Variants in USP49 observed in about 807,000 individuals in gnomAD.
USP49 encodes the protein ubiquitin specific peptidase 49.
Under a neutral mutation model 58.6 loss-of-function variants are expected in USP49, and 24 were observed. That is an observed-to-expected ratio of 0.41 (90% CI 0.30 to 0.58). USP49 has a LOEUF of 0.58. Ranked by LOEUF, USP49 falls within the 20% of genes least tolerant of loss-of-function variation. USP49 has a pLI of 0.30. For synonymous variants in USP49, 408 were observed against 365.1 expected (o/e 1.12, Z -1.34); for missense variants, 703 against 866.1 (o/e 0.81, Z 2.36).
chr6:41,890,489 G>T (rs1774794644), intron 2 of USP49, among the ~76,000 whole-genome samples: 1 of 152,096 alleles, frequency 6.6e-6, no homozygotes, highest in South Asian at 2.1e-4. Context: ...AAGGTGGGCA[G>T]ATTTTTTGAG....
intron 3 of USP49, among the ~76,000 whole-genome samples, chr6:41,858,293 G>T (rs1352315526): frequency 6.6e-6 from 1 of 152,050 alleles, no homozygotes; most frequent in Non-Finnish European, 1.5e-5. Flanking sequence ...ACAATAATAG[G>T]TATCTATGCT....
intron 2 of USP49, among the ~76,000 whole-genome samples, chr6:41,884,836 T>C (rs375034801): frequency 1.3e-5 from 2 of 152,204 alleles, no homozygotes; most frequent in South Asian, 2.1e-4. Context: ...ATATAATATA[T>C]ACTAAAAAAT....
intron 3 of USP49, among the ~76,000 whole-genome samples, chr6:41,830,453 A>G (rs1266155331): frequency 2.0e-5 from 3 of 152,216 alleles, no homozygotes; most frequent in East Asian, 3.8e-4. Flanking sequence ...ATATAAGTTT[A>G]TACTTTTGAA....
At chr6:41,804,244 A>C (rs907305426) in intron 4 of USP49, among the ~76,000 whole-genome samples, 1 of 152,202 alleles carries the variant, frequency 6.6e-6, no homozygotes, top group African/African-American at 2.4e-5. Flanking sequence ...TAGAGACTAT[A>C]CTAACCCCCC....
chr6:41,817,150 C>CTTTTTTTTT lies in USP49; in HGVS notation c.-28-10148_-28-10140dup, dbSNP rs34281670. On this transcript the variant is annotated intron_variant, in intron 3 of 7. Transcript: ENST00000682992. ...CCACCACGCCTGGCTCCCACGCATG[C>CTTTTTTTTT]TTTTTTTTTTTTTTTTTGAGACAGA... 5.0e-4 allele frequency among the ~76,000 whole-genome samples: 52 copies of CTTTTTTTTT among 104,338 alleles called. 6 individuals carry two copies. The highest frequency in any genetic ancestry group is 2.0e-3 in the African/African-American group (45 of 22,552). The allele number at this position is 104,338 out of a possible 152,430, so 68.4% of individuals were successfully genotyped here.
At chr6:41,863,500 G>A (rs940854658) in intron 3 of USP49, among the ~76,000 whole-genome samples, 3 of 152,078 alleles carry the variant, frequency 2.0e-5, no homozygotes, top group Admixed American at 1.3e-4. Flanking sequence ...GTATTATCAC[G>A]GGTATTAAAC....
At chr6:41,810,405 G>A (rs934680616) in intron 3 of USP49, among the ~76,000 whole-genome samples, 7 of 150,548 alleles carry the variant, frequency 4.6e-5, no homozygotes, top group African/African-American at 1.7e-4. Flanking sequence ...CAGAAGAATT[G>A]CTTGAACCTG....
intron 3 of USP49, among the ~76,000 whole-genome samples, chr6:41,829,342 T>A (rs1773595391): frequency 6.6e-6 from 1 of 152,116 alleles, no homozygotes. Context: ...AAGATGGTGT[T>A]TCGCGCTTGT....
chr6:41,855,731 C>A (rs139066423), intron 3 of USP49, among the ~76,000 whole-genome samples: 218 of 152,132 alleles, frequency 1.4e-3, no homozygotes, highest in African/African-American at 5.1e-3. Flanking sequence ...ACTGGAAACT[C>A]GACACACTTA....
intron 3 of USP49, among the ~76,000 whole-genome samples, chr6:41,849,978 A>G (rs2127349794): frequency 6.6e-6 from 1 of 152,310 alleles, no homozygotes; most frequent in Non-Finnish European, 1.5e-5. Flanking sequence ...AAATCCACAA[A>G]TATGTGGAAA....
intron 5 of USP49, among the ~76,000 whole-genome samples, chr6:41,802,133 T>A (rs1375785343): frequency 6.6e-6 from 1 of 152,008 alleles, no homozygotes. Context: ...GTATAAAATT[T>A]CAAATTTTGT....
chr6:41,839,404 CAAAAAAAAAA>C (rs538220746), intron 3 of USP49, among the ~76,000 whole-genome samples: 89 of 22,234 alleles, frequency 4.0e-3, no homozygotes, highest in Non-Finnish European at 5.8e-3. Flanking sequence ...GGCCTTGTCT[CAAAAAAAAAA>C]AAAAAAAAAA....
intron 2 of USP49, among the ~76,000 whole-genome samples, chr6:41,883,307 T>C (rs1774645961): frequency 6.9e-6 from 1 of 145,172 alleles, no homozygotes. Flanking sequence ...TGAGCCAAGA[T>C]TGTGCCACTG....
At chr6:41,892,423 T>C (rs1356769458) in intron 1 of USP49, among the ~76,000 whole-genome samples, 1 of 152,200 alleles carries the variant, frequency 6.6e-6, no homozygotes. Flanking sequence ...TTCTTCATCT[T>C]GAAAGTCAAC....
At chr6:41,889,739 C>T (rs147861074) in intron 2 of USP49, among the ~76,000 whole-genome samples, 2 of 152,198 alleles carry the variant, frequency 1.3e-5, no homozygotes, top group South Asian at 4.1e-4. Context: ...TAAACACAAA[C>T]TAAACTTTTT....
At chr6:41,861,954 G>A (rs1187890033) in intron 3 of USP49, among the ~76,000 whole-genome samples, 1 of 151,978 alleles carries the variant, frequency 6.6e-6, no homozygotes. Context: ...CGCCCACCTC[G>A]GCCTCCCAAA....
chr6:41,838,390 C>T (rs1338852229), intron 3 of USP49, among the ~76,000 whole-genome samples: 1 of 152,194 alleles, frequency 6.6e-6, no homozygotes, highest in Non-Finnish European at 1.5e-5. Context: ...TCACCTCCAC[C>T]AGAGCAGGTG....
At chr6:41,862,591 G>T (rs1237342064) in intron 3 of USP49, among the ~76,000 whole-genome samples, 1 of 152,082 alleles carries the variant, frequency 6.6e-6, no homozygotes, top group Non-Finnish European at 1.5e-5. Flanking sequence ...AATACTAAAA[G>T]ATCAGCTTAA....
rs1205667444 is a variant in USP49 at position 41,854,851 on chromosome 6, GA to G, written c.-29+16712del. On this transcript the variant is annotated intron_variant, in intron 3 of 7. Transcript: ENST00000682992. ...GCAGTGGTGCAATCTCAGCTCACTG[GA>G]ACCTCCGCCTACCAGGTTCAAGTAA... 2.0e-5 allele frequency among the ~76,000 whole-genome samples: 3 copies of G among 152,026 alleles called. No individual in the cohort carries two copies. In the South Asian group the frequency reaches 6.2e-4, roughly 32 times the overall value.
Sources: gnomAD v4.1 joint callset for allele counts (sites outside exome capture counted in the v4.1 genomes callset) on GRCh38, gnomAD v4.1.1 for gene constraint, MANE v1.5 for transcripts, NCBI Gene and HGNC (gene_info 2026-07-23, HGNC 2026-07-21) for gene names.